EHBP1: variants seen among roughly 807,000 people sequenced by gnomAD.
EHBP1 encodes the protein EH domain binding protein 1, also known as EH domain-binding protein 1.
Under a neutral mutation model 144.0 loss-of-function variants are expected in EHBP1, and 55 were observed. The ratio of observed to expected loss-of-function variants is 0.38; its 90% confidence interval spans 0.31 to 0.48. The LOEUF is 0.48. Ranked by LOEUF, EHBP1 falls within the 20% of genes least tolerant of loss-of-function variation. The probability of loss-of-function intolerance (pLI) is 0.98; values close to 1 mark genes in which losing one functional copy is unlikely to be tolerated. For missense variants in EHBP1, 1,200 were observed against 1,364.2 expected (o/e 0.88, Z 1.90); for synonymous variants, 469 against 472.7 (o/e 0.99, Z 0.10).
At chr2:62,981,488 C>CTAAATTT in intron 15 of EHBP1, among the ~76,000 whole-genome samples, 1 of 152,180 alleles carries the variant, frequency 6.6e-6, no homozygotes, top group East Asian at 1.9e-4. Flanking sequence ...CAGTAGTGAG[C>CTAAATTT]AGATAACAAT....
At chr2:62,839,031 G>A (rs546479181) in intron 7 of EHBP1, among the ~76,000 whole-genome samples, 12 of 148,084 alleles carry the variant, frequency 8.1e-5, no homozygotes, top group East Asian at 2.0e-4. Context: ...GGGCAGAGAC[G>A]CAACCAAAAA....
At chr2:63,044,869 G>A in intron 21 of EHBP1, 197 bp from the exon 22 acceptor site, 1 of 526,040 alleles carries the variant, frequency 1.9e-6, no homozygotes, top group Non-Finnish European at 3.5e-6. Flanking sequence ...CCATTCACAG[G>A]ACCTGTTTAG....
At chr2:62,696,232 A>ACGG (rs1374181938) in intron 1 of EHBP1, among the ~76,000 whole-genome samples, 1 of 145,956 alleles carries the variant, frequency 6.9e-6, no homozygotes, top group African/African-American at 2.5e-5. Context: ...GTACAGTGGC[A>ACGG]CGGTCTTGGC....
At chr2:62,871,613 T>TA (rs1174668365) in intron 9 of EHBP1, among the ~76,000 whole-genome samples, 2 of 152,234 alleles carry the variant, frequency 1.3e-5, no homozygotes, top group African/African-American at 4.8e-5. Flanking sequence ...AATTTGTTCT[T>TA]ACTTCAATAA....
At chr2:62,865,897 A>C (rs2049997533) in intron 9 of EHBP1, among the ~76,000 whole-genome samples, 1 of 152,236 alleles carries the variant, frequency 6.6e-6, no homozygotes, top group African/African-American at 2.4e-5. Flanking sequence ...GTAGAAGAGA[A>C]GAGGTACGGA....
chr2:62,924,528 C>T (rs2055341234), intron 10 of EHBP1, among the ~76,000 whole-genome samples: 1 of 152,054 alleles, frequency 6.6e-6, no homozygotes, highest in Non-Finnish European at 1.5e-5. Context: ...GGAGACATCA[C>T]AACAGATACC....
chr2:63,019,868 G>GAAGGAAGA (rs2060645920), intron 19 of EHBP1, among the ~76,000 whole-genome samples: 5 of 144,358 alleles, frequency 3.5e-5, no homozygotes, highest in Admixed American at 6.9e-5. Context: ...AGGAAGGAAG[G>GAAGGAAGA]AAGGAAGGAA....
Position 62,757,477 on chromosome 2 carries a change from A to T in EHBP1, c.163-6789A>T, listed in dbSNP as rs575640514. Among the ~76,000 whole-genome samples, 14 of 124,106 alleles carry T rather than the reference A, an allele frequency of 1.1e-4. No individual in the cohort carries two copies. In the East Asian group the frequency reaches 3.0e-3, roughly 26 times the overall value. The allele number at this position is 124,106 out of a possible 152,430, so 81.4% of individuals were successfully genotyped here. ...GAGTCTTGCTCTTGCTCTGTCGCCC[A>T]GGCTGGAGTGCAGTGGGATGATCTC... On this transcript the variant is annotated intron_variant, in intron 3 of 22. Transcript: ENST00000431489.
intron 7 of EHBP1, among the ~76,000 whole-genome samples, chr2:62,842,051 A>T (rs2047927617): frequency 6.6e-6 from 1 of 152,072 alleles, no homozygotes; most frequent in African/African-American, 2.4e-5. Flanking sequence ...AACAGCAAAG[A>T]AAAGGGACAA....
chr2:62,920,847 T>A (rs1401193257), intron 10 of EHBP1, among the ~76,000 whole-genome samples: 3 of 151,980 alleles, frequency 2.0e-5, no homozygotes, highest in Admixed American at 6.6e-5. Context: ...GGGGTTTTTT[T>A]AAGTAGAGTT....
intron 4 of EHBP1, among the ~76,000 whole-genome samples, chr2:62,767,431 G>A (rs541813174): frequency 2.1e-4 from 32 of 152,066 alleles, no homozygotes; most frequent in African/African-American, 7.5e-4. Flanking sequence ...GGCACAGTGG[G>A]TCATGTCTGT....
At chr2:62,922,515 A>G (rs2055167647) in intron 10 of EHBP1, among the ~76,000 whole-genome samples, 1 of 152,256 alleles carries the variant, frequency 6.6e-6, no homozygotes, top group South Asian at 2.1e-4. Flanking sequence ...TAATCCACGT[A>G]AATAGTAACC....
At chr2:62,814,094 T>G (rs1460394231) in intron 5 of EHBP1, among the ~76,000 whole-genome samples, 1 of 152,222 alleles carries the variant, frequency 6.6e-6, no homozygotes, top group African/African-American at 2.4e-5. Flanking sequence ...TGCTGTAGTT[T>G]GAATGTGTCC....
intron 13 of EHBP1, among the ~76,000 whole-genome samples, chr2:62,950,693 C>A (rs1574205664): frequency 6.7e-6 from 1 of 150,166 alleles, no homozygotes. Context: ...GTTGTTTTTT[C>A]TTTTTTTTTG....
Position 62,960,202 on chromosome 2 carries a change from C to T in EHBP1, c.2460+4542C>T, listed in dbSNP as rs369644090. Among the ~76,000 whole-genome samples, 9 of 152,212 alleles carry T rather than the reference C, an allele frequency of 5.9e-5. No individual in the cohort carries two copies. In the East Asian group the frequency reaches 1.7e-3, roughly 29 times the overall value. On this transcript the variant is annotated intron_variant, in intron 14 of 22. Coordinates refer to ENST00000431489, the MANE Select transcript of EHBP1 (RefSeq NM_001142616.3). ...CACTTACCTAAGAGAATAAACTTCCCAACTACTCAGCATGGCCTCATGTCC... is the reference window on the plus strand; with the variant it reads ...CACTTACCTAAGAGAATAAACTTCCTAACTACTCAGCATGGCCTCATGTCC...
chr2:62,843,709 C>G (rs1294017255), intron 7 of EHBP1, among the ~76,000 whole-genome samples: 1 of 152,040 alleles, frequency 6.6e-6, no homozygotes, highest in African/African-American at 2.4e-5. Flanking sequence ...TTAGCAACAG[C>G]ACGACCACTT....
At chr2:62,741,728 G>A (rs765431154) in intron 2 of EHBP1, among the ~76,000 whole-genome samples, 3 of 151,976 alleles carry the variant, frequency 2.0e-5, no homozygotes, top group Non-Finnish European at 2.9e-5. Context: ...CTCCTTATCC[G>A]CAGGTTCTGA....
intron 14 of EHBP1, among the ~76,000 whole-genome samples, chr2:62,962,534 A>G (rs1389438445): frequency 6.6e-6 from 1 of 152,202 alleles, no homozygotes; most frequent in East Asian, 1.9e-4. Flanking sequence ...AAGCAAAATA[A>G]AGGATGATAG....
intron 13 of EHBP1, among the ~76,000 whole-genome samples, chr2:62,951,840 A>T (rs984658226): frequency 3.3e-5 from 5 of 151,962 alleles, no homozygotes; most frequent in African/African-American, 1.2e-4. Context: ...TTTCTTGAAA[A>T]CCAGATTTTT....
Sources: allele counts gnomAD v4.1 joint callset (sites outside exome capture counted in the v4.1 genomes callset), GRCh38; gene constraint gnomAD v4.1.1; transcripts MANE v1.5; gene names NCBI Gene and HGNC (gene_info 2026-07-23, HGNC 2026-07-21).